Variants in GCN1 observed in about 807,000 individuals in gnomAD.
The protein encoded by GCN1 is stalled ribosome sensor GCN1.
In GCN1, 90 loss-of-function variants were observed where a neutral mutation model predicts 288.4. The ratio of observed to expected loss-of-function variants is 0.31; its 90% CI spans 0.26 to 0.37. The LOEUF (loss-of-function observed/expected upper bound fraction) is 0.37, where lower values mean the gene tolerates loss of function less well. GCN1 is among the 10% of genes least tolerant of loss of function. The pLI is 1.00. For synonymous variants in GCN1, 1,386 were observed against 1,420.2 expected, an observed-to-expected ratio of 0.98 and a Z score of 0.54; for missense variants, 2,586 against 3,419.9, an observed-to-expected ratio of 0.76 and a Z score of 6.08.
intron 26 of GCN1, among the ~76,000 whole-genome samples, chr12:120,157,560 T>A (rs1013764301): frequency 6.6e-5 from 10 of 152,214 alleles, no homozygotes; most frequent in African/African-American, 2.4e-4. Flanking sequence ...AAGAGTTAAG[T>A]AAAACATGGT....
rs368743482 is a variant in GCN1, at chr12:120,137,293, T to G, written c.6690A>C (p.Ala2230=). ...TTTCCTTGTGCAGCTCTTCAATGAG[T>G]GCCAACTGGTTGCCAGCATCCAGCT... ...TKKLDAGNQL[A]LIEELHKEIR... Residue 2230 remains alanine (A), a synonymous_variant, in exon 50 of 58, where the codon GCA becomes GCC. Coordinates refer to ENST00000300648, the MANE Select transcript of GCN1 (RefSeq NM_006836.2). This position sits in a 1 kb window ranked among gnomAD's most constrained non-coding sequence, Gnocchi z 5.2. 40 of 1,613,932 alleles carry G rather than the reference T, an allele frequency of 2.5e-5. No individual in the cohort carries two copies. The African/African-American group carries it at 5.1e-4, about 20-fold the overall frequency.
Position 120,175,230 on chromosome 12 carries a change from A to G in GCN1, c.1043-18T>C. The G allele has an allele frequency of 6.2e-7, 1 of 1,609,120 alleles. No individual in the cohort carries two copies. The highest frequency in any genetic ancestry group is 1.7e-5 in the Admixed American group (1 of 59,998). ...TTCCGAGCCTGAGAAGAGAGACAGC[A>G]AAGATTCACATTCACATATGCCACA... On this transcript the variant is annotated intron_variant, in intron 11 of 57. Transcript: ENST00000300648.
Position 120,136,430 on chromosome 12 carries a change from A to C in GCN1, c.7008+72T>G, listed in dbSNP as rs1177418400. 3.4e-6 allele frequency: 4 copies of C among 1,173,174 alleles called. No homozygotes were observed. In the South Asian group the frequency reaches 5.2e-5, roughly 15 times the overall value. 72.7% of individuals were successfully genotyped at this position (1,173,174 alleles called of 1,614,324 possible). Reference sequence around the variant, plus strand: ...AATAAATCTGTTGCCCTGCTGCTACATGACACCTTGTATCAGGCTCCTGCA... The same window carrying C: ...AATAAATCTGTTGCCCTGCTGCTACCTGACACCTTGTATCAGGCTCCTGCA... On this transcript the variant is annotated intron_variant, in intron 51 of 57. Coordinates refer to ENST00000300648, the MANE Select transcript of GCN1 (RefSeq NM_006836.2).
chr12:120,131,319 T>G lies in GCN1; in HGVS notation c.7429A>C (p.Ile2477Leu). The G allele has an allele frequency of 6.2e-7, 1 of 1,614,008 alleles. No individual in the cohort carries two copies. Among genetic ancestry groups the G allele is most frequent in the Non-Finnish European group, 8.5e-7 (1 of 1,180,010 alleles). The change falls in exon 55 of 58, where the codon ATT (isoleucine) becomes CTT (leucine). Residue 2477 changes from isoleucine (I) to leucine (L), a missense_variant. Around this residue, in one of 8 missense-constraint regions of GCN1, gnomAD observed 355 missense variants for 431.1 expected, o/e 0.82. Coordinates refer to ENST00000300648, the MANE Select transcript of GCN1 (RefSeq NM_006836.2). ...QQCLLADVSG[I>L]DWMVRHGRSL... is the part of the protein sequence containing the mutation. ...CGCCCGTGCCGAACCATCCAGTCAA[T>G]GCCGGACACGTCCGCTGGGTGGAAG...
Position 120,151,263 on chromosome 12 carries a change from G to A in GCN1, c.4191C>T (p.Ala1397=), listed in dbSNP as rs200898770. 1.2e-4 allele frequency: 201 copies of A among 1,614,180 alleles called. No homozygotes were observed. Among genetic ancestry groups the A allele is most frequent in the Middle Eastern group, 3.3e-4 (2 of 6,062 alleles). Reference sequence around the variant, plus strand: ...TCACCAGGCCCGCCAGGCCATAGGCGGCCCCTTTGCGCTCTGCGTACTTGT... The same window carrying A: ...TCACCAGGCCCGCCAGGCCATAGGCAGCCCCTTTGCGCTCTGCGTACTTGT... ...ESDKYAERKG[A]AYGLAGLVKG... The change falls in exon 34 of 58, where the codon GCC becomes GCT. Residue 1397 remains alanine (A), a synonymous_variant. Coordinates refer to ENST00000300648, the MANE Select transcript of GCN1 (RefSeq NM_006836.2).
chr12:120,149,772 A>T, intron 35 of GCN1, 52 bp from the exon 36 acceptor site: 1 of 1,532,966 alleles, frequency 6.5e-7, no homozygotes, highest in Non-Finnish European at 9.0e-7. Context: ...AGCAAGGGGC[A>T]AGGCCTGACA....
intron 2 of GCN1, among the ~76,000 whole-genome samples, chr12:120,185,551 T>C (rs575399648): frequency 6.6e-6 from 1 of 152,330 alleles, no homozygotes; most frequent in African/African-American, 2.4e-5. Context: ...AGATCATTCA[T>C]ACACATTCAC....
In GCN1 at chr12:120,149,103, G is replaced by A. The variant is rs865874475; in HGVS notation, c.4546+503C>T. On this transcript the variant is annotated intron_variant, in intron 36 of 57. Transcript: ENST00000300648. ...TTTTCAAAAAGAGCTTTCCTGGGGG[G>A]GGAAAACTTTAAAGCCAAAGAGGAG... Among the ~76,000 whole-genome samples the A allele has an allele frequency of 2.6e-4, 39 of 151,944 alleles. No homozygotes were observed. The Middle Eastern group carries it at 0.014, about 54-fold the overall frequency.
chr12:120,158,649 A>T lies in GCN1; in HGVS notation c.2750-34T>A. ...AAGAGGAGAGACCCAGCAGGAGATG[A>T]CACACAGAGATGTGGAATCCAGCCC... is the stretch of plus-strand genomic sequence containing the variant. On this transcript the variant is annotated intron_variant, in intron 24 of 57. Transcript: ENST00000300648. The surrounding 1 kb of genome is among the most constrained non-coding windows in gnomAD (Gnocchi z 4.3). 6.4e-7 allele frequency: 1 copy of T among 1,560,860 alleles called. No individual in the cohort carries two copies. The highest frequency in any genetic ancestry group is 8.7e-7 in the Non-Finnish European group (1 of 1,149,380).
intron 44 of GCN1, among the ~76,000 whole-genome samples, chr12:120,141,583 GC>G (rs766085636): frequency 6.6e-6 from 1 of 152,124 alleles, no homozygotes; most frequent in Non-Finnish European, 1.5e-5. Flanking sequence ...ATCTCATGCC[GC>G]ACTGCTCCTC....
intron 9 of GCN1, among the ~76,000 whole-genome samples, chr12:120,176,724 G>A (rs1233189030): frequency 1.3e-5 from 2 of 152,074 alleles, no homozygotes; most frequent in Admixed American, 6.6e-5. Context: ...ATTATTAATG[G>A]ATATACTTTT....
intron 3 of GCN1, 42 bp downstream of exon 3, chr12:120,184,782 G>A: frequency 1.4e-6 from 2 of 1,413,794 alleles, no homozygotes; most frequent in Non-Finnish European, 2.0e-6. Context: ...TCCCCTCTCT[G>A]TACAAAGTGC....
Position 120,127,814 on chromosome 12 carries a change from T to A in GCN1, c.*35A>T. 1 of 1,603,700 alleles carries A rather than the reference T, an allele frequency of 6.2e-7. No individual in the cohort carries two copies. The highest frequency in any genetic ancestry group is 1.3e-5 in the African/African-American group (1 of 74,788). On this transcript the variant is annotated 3_prime_UTR_variant, in exon 58 of 58. Coordinates refer to ENST00000300648, the MANE Select transcript of GCN1 (RefSeq NM_006836.2). Reference sequence around the variant, plus strand: ...CAAAAATGAAAACATTGAGCAAAGATGTGGAGCGGCAATGCTGCTGCTGGC... The same window carrying A: ...CAAAAATGAAAACATTGAGCAAAGAAGTGGAGCGGCAATGCTGCTGCTGGC...
At chr12:120,181,953 C>T (rs928512964) in intron 5 of GCN1, among the ~76,000 whole-genome samples, 2 of 151,624 alleles carry the variant, frequency 1.3e-5, no homozygotes, top group Non-Finnish European at 2.9e-5. Flanking sequence ...TTGAGACTAG[C>T]CTGGCCAACA....
intron 10 of GCN1, 52 bp from the exon 11 acceptor site, chr12:120,175,926 C>A (rs1223279969): frequency 6.3e-7 from 1 of 1,577,058 alleles, no homozygotes; most frequent in African/African-American, 1.4e-5. Context: ...AGCATCCAGA[C>A]TTTCGTCTTT....
intron 14 of GCN1, 139 bp downstream of exon 14, chr12:120,173,514 T>C (rs1201541081): frequency 1.1e-5 from 7 of 634,588 alleles, no homozygotes; most frequent in South Asian, 2.1e-5. Flanking sequence ...CTAAGCCCAA[T>C]GCTCTCATTT....
At position 120,143,096 on chromosome 12, in the gene GCN1, C is replaced by T. The variant is rs190510203; in HGVS notation, c.5496-155G>A. On this transcript the variant is annotated intron_variant, in intron 42 of 57. Transcript: ENST00000300648. The stretch of plus-strand genomic sequence containing the variant: ...CAGGTGGTTTACATTTCTTTACACT[C>T]GCCCACATATTTTCCAAGTTTTCTA... Among the ~76,000 whole-genome samples, 5 of 152,258 alleles carry T rather than the reference C, an allele frequency of 3.3e-5. No homozygotes were observed. In the East Asian group the frequency reaches 7.7e-4, roughly 23 times the overall value.
rs1179686905 is a variant in GCN1, at chr12:120,157,990, G to A, written c.2946C>T (p.Phe982=). Residue 982 remains phenylalanine, a synonymous_variant, in exon 26 of 58, where the codon TTC becomes TTT. Coordinates refer to ENST00000300648, the MANE Select transcript of GCN1 (RefSeq NM_006836.2). ...PLSAPAFSLV[F]PFLKMVLTEM... ...CCGTCAGCACCATCTTCAGAAACGG[G>A]AAGACTAAGGAGAAGGCTGGCGCGG... 1 of 1,614,016 alleles carries A rather than the reference G, an allele frequency of 6.2e-7. No individual in the cohort carries two copies. The highest frequency in any genetic ancestry group is 1.7e-5 in the Admixed American group (1 of 60,034).
intron 53 of GCN1, 61 bp from the exon 54 acceptor site, chr12:120,132,083 A>C (rs898831841): frequency 5.8e-5 from 64 of 1,108,916 alleles, no homozygotes; most frequent in Non-Finnish European, 8.1e-5. Context: ...TGTGGGAACC[A>C]AGGCAGGCAG....
Sources: allele counts gnomAD v4.1 joint callset (sites outside exome capture counted in the v4.1 genomes callset), GRCh38; gene constraint gnomAD v4.1.1; regional missense constraint gnomAD v4.1.1; non-coding constraint Gnocchi (gnomAD v3.1); transcripts MANE v1.5; gene names NCBI Gene and HGNC (gene_info 2026-07-23, HGNC 2026-07-21).